The following RARB variants were observed in gnomAD, a reference collection of about 807,000 sequenced individuals.
RARB encodes HBV-activated protein.
RARB carries 17 observed loss-of-function variants against 51.9 expected under a neutral mutation model. The ratio of observed to expected loss-of-function variants is 0.33; its 90% CI spans 0.22 to 0.49. The LOEUF is 0.49. Ranked by LOEUF, RARB falls within the 20% of genes least tolerant of loss-of-function variation. RARB has a pLI of 0.99. For missense variants in RARB, 369 were observed against 550.8 expected, an observed-to-expected ratio of 0.67 and a Z score of 3.30; for synonymous variants, 215 against 195.4, an observed-to-expected ratio of 1.10 and a Z score of -0.84.
intron 3 of RARB, among the ~76,000 whole-genome samples, chr3:25,131,084 G>A (rs958192996): frequency 6.6e-5 from 10 of 151,392 alleles, no homozygotes; most frequent in Admixed American, 4.6e-4. Context: ...CTCTGTTTAT[G>A]TGGAATCAAC....
chr3:25,511,141 G>GT (rs61573718), intron 3 of RARB, among the ~76,000 whole-genome samples: 50,751 of 150,708 alleles, frequency 0.34, 12,912 homozygotes, highest in African/African-American at 0.7. Flanking sequence ...GTTTTGGTTT[G>GT]TTTTTTTTTG....
intron 5 of RARB, among the ~76,000 whole-genome samples, chr3:25,292,847 G>A (rs888953301): frequency 2.0e-5 from 3 of 152,136 alleles, no homozygotes; most frequent in African/African-American, 4.8e-5. Context: ...TGCCCTATTC[G>A]AGGCTGGTCA....
At chr3:25,537,534 T>C (rs931556660) in intron 3 of RARB, among the ~76,000 whole-genome samples, 7 of 152,192 alleles carry the variant, frequency 4.6e-5, no homozygotes, top group Non-Finnish European at 8.8e-5. Context: ...CTGAGGCTCT[T>C]GTGGGGCTGT....
At chr3:25,511,828 C>T (rs1697910435) in intron 3 of RARB, among the ~76,000 whole-genome samples, 1 of 152,126 alleles carries the variant, frequency 6.6e-6, no homozygotes, top group Non-Finnish European at 1.5e-5. Context: ...GAGGGTCTTG[C>T]TTTTTTGCAT....
intron 5 of RARB, among the ~76,000 whole-genome samples, chr3:25,243,546 T>G: frequency 6.6e-6 from 1 of 152,236 alleles, no homozygotes. Flanking sequence ...CAAAGACCTT[T>G]TCTGCATCTG....
intron 5 of RARB, among the ~76,000 whole-genome samples, chr3:25,405,617 T>G (rs552738147): frequency 2.0e-5 from 3 of 152,340 alleles, no homozygotes; most frequent in African/African-American, 7.2e-5. Context: ...TTGTAAAATA[T>G]GTTCACCACT....
At chr3:24,993,201 A>C (rs1559425763) in intron 2 of RARB, among the ~76,000 whole-genome samples, 1 of 152,158 alleles carries the variant, frequency 6.6e-6, no homozygotes, top group Non-Finnish European at 1.5e-5. Flanking sequence ...AGAGATGCTA[A>C]AAATATTCTC....
rs1162160168 is a variant in RARB, at chr3:24,875,231, T to G, written c.-380+16479T>G. Among the ~76,000 whole-genome samples the G allele has an allele frequency of 3.3e-5, 5 of 152,282 alleles. No homozygotes were observed. In the East Asian group the frequency reaches 9.6e-4, roughly 29 times the overall value. ...TGTTGCATATTTTTAGTGAACCAAC[T>G]GTATTGGTTGCCGAAGTTGATACTA... On this transcript the variant is annotated intron_variant, in intron 2 of 11. Coordinates refer to the RARB transcript ENST00000383772.
intron 5 of RARB, among the ~76,000 whole-genome samples, chr3:25,307,406 A>C (rs748860980): frequency 3.9e-5 from 6 of 151,992 alleles, no homozygotes; most frequent in Non-Finnish European, 5.9e-5. Context: ...AAAAAATTGT[A>C]ATATGGCCAT....
At chr3:25,155,359 G>C (rs1308381032) in intron 4 of RARB, among the ~76,000 whole-genome samples, 1 of 152,132 alleles carries the variant, frequency 6.6e-6, no homozygotes, top group African/African-American at 2.4e-5. Flanking sequence ...CTATTCCCTT[G>C]TTAGATTGTG....
At chr3:25,060,663 A>G (rs1372551208) in intron 3 of RARB, among the ~76,000 whole-genome samples, 1 of 151,876 alleles carries the variant, frequency 6.6e-6, no homozygotes, top group African/African-American at 2.4e-5. Flanking sequence ...AAAAAAATCA[A>G]GTTGATTTAG....
chr3:25,173,185 A>G (rs571497858), intron 4 of RARB, among the ~76,000 whole-genome samples: 1 of 152,346 alleles, frequency 6.6e-6, no homozygotes, highest in Non-Finnish European at 1.5e-5. Context: ...TTCTATTCCC[A>G]GTCTCAAGGA....
At chr3:25,169,388 A>G (rs949449293) in intron 4 of RARB, among the ~76,000 whole-genome samples, 2 of 152,206 alleles carry the variant, frequency 1.3e-5, no homozygotes, top group African/African-American at 4.8e-5. Context: ...ATCACATGAC[A>G]TGCCAGACAA....
At chr3:25,036,113 G>A (rs1024023115) in intron 2 of RARB, among the ~76,000 whole-genome samples, 4 of 152,102 alleles carry the variant, frequency 2.6e-5, no homozygotes, top group Non-Finnish European at 4.4e-5. Context: ...CTCCAAATTT[G>A]AGTTATTTCT....
At position 25,211,361 on chromosome 3, in the gene RARB, G is replaced by A. The variant is rs73147393; in HGVS notation, c.178+36786G>A. Among the ~76,000 whole-genome samples, 699 of 152,164 alleles carry A rather than the reference G, an allele frequency of 4.6e-3. 8 individuals are homozygous for A. The highest frequency in any genetic ancestry group is 0.016 in the African/African-American group (653 of 41,522). On this transcript the variant is annotated intron_variant, in intron 5 of 11. Transcript: ENST00000383772. ...AGATTTGAGCCATTTCTACAAAGAC[G>A]CAGGAAAGAATGTTTTTAGAATATA...
chr3:25,046,780 G>A (rs1698226362), intron 2 of RARB, among the ~76,000 whole-genome samples: 1 of 152,116 alleles, frequency 6.6e-6, no homozygotes, highest in Non-Finnish European at 1.5e-5. Context: ...ATATTAGTTA[G>A]TAGATTTTAT....
intron 5 of RARB, among the ~76,000 whole-genome samples, chr3:25,184,976 T>C (rs936734129): frequency 5.9e-5 from 9 of 152,302 alleles, no homozygotes; most frequent in African/African-American, 1.7e-4. Flanking sequence ...CCACAATTCA[T>C]CCACTTACTA....
chr3:25,573,047 G>C (rs941090606), intron 4 of RARB, among the ~76,000 whole-genome samples: 1 of 152,068 alleles, frequency 6.6e-6, no homozygotes, highest in African/African-American at 2.4e-5. Context: ...TGAGCAGAAC[G>C]TGGAGAGATA....
At chr3:25,346,012 T>G in intron 5 of RARB, 1 of 384,302 alleles carries the variant, frequency 2.6e-6, no homozygotes, top group Non-Finnish European at 3.6e-6. Flanking sequence ...TGACCCGGGC[T>G]GCGGTTGACT....
Sources: gnomAD v4.1 joint callset for allele counts (sites outside exome capture counted in the v4.1 genomes callset) on GRCh38, gnomAD v4.1.1 for gene constraint, MANE v1.5 for transcripts, NCBI Gene and HGNC (gene_info 2026-07-23, HGNC 2026-07-21) for gene names.